The following AKAIN1 variants were observed in gnomAD, a reference collection of about 807,000 sequenced individuals.
AKAIN1 encodes the protein A-kinase anchor protein inhibitor 1.
Under a neutral mutation model 3.7 loss-of-function variants are expected in AKAIN1, and 3 were observed. The ratio of observed to expected loss-of-function variants is 0.82; its 90% CI spans 0.37 to 2.12. The LOEUF is 2.12. Ranked by LOEUF, AKAIN1 falls within the 30% of genes most tolerant of loss-of-function variation. The pLI, the probability that AKAIN1 is intolerant of heterozygous loss-of-function variation, is 0.06. For synonymous variants in AKAIN1, 31 were observed against 30.8 expected, an observed-to-expected ratio of 1.01 and a Z score of -0.02; for missense variants, 82 against 82.7, an observed-to-expected ratio of 0.99 and a Z score of 0.03.
rs2071353514 is a variant in AKAIN1 at position 5,197,162 on chromosome 18, G to A, written c.-109C>T. ...TCCGGTGCAGGAGGGCGCGCTGGGC[G>A]GGCGGCGGGCGGGGCGGTCAGCACC... On this transcript the variant is annotated 5_prime_UTR_variant, in exon 1 of 2. Coordinates refer to ENST00000434239, the MANE Select transcript of AKAIN1 (RefSeq NM_001145194.2). The surrounding 1 kb of genome is among the most constrained non-coding windows in gnomAD (Gnocchi z 6.9). The A allele has an allele frequency of 1.3e-6, 2 of 1,519,300 alleles. No individual in the cohort carries two copies. The highest frequency in any genetic ancestry group is 1.4e-5 in the African/African-American group (1 of 71,372). 94.1% of individuals were successfully genotyped at this position (1,519,300 alleles called of 1,614,324 possible). A position where few individuals can be genotyped will look rare whatever the true frequency, so the allele number is the denominator to read the frequency against.
At chr18:5,166,042 G>A (rs78180835) in intron 1 of AKAIN1, among the ~76,000 whole-genome samples, 2,910 of 152,098 alleles carry the variant, frequency 0.019, 80 homozygotes, top group East Asian at 0.11. Flanking sequence ...TGCTACACAT[G>A]ATTGTGAAAA....
chr18:5,154,460 CAA>C (rs1159685763), intron 1 of AKAIN1, among the ~76,000 whole-genome samples: 1 of 152,090 alleles, frequency 6.6e-6, no homozygotes. Flanking sequence ...CTTTTACCCC[CAA>C]GAGACTCAGA....
intron 1 of AKAIN1, among the ~76,000 whole-genome samples, chr18:5,190,562 G>A (rs2071313215): frequency 1.3e-5 from 2 of 152,112 alleles, no homozygotes; most frequent in South Asian, 4.1e-4. Flanking sequence ...TCTTATATAA[G>A]CAGAAAAAAT....
intron 1 of AKAIN1, among the ~76,000 whole-genome samples, chr18:5,175,685 G>A (rs1164921017): frequency 6.6e-6 from 1 of 152,112 alleles, no homozygotes; most frequent in African/African-American, 2.4e-5. Flanking sequence ...ACATAACCAT[G>A]TACGAGCTAT....
At chr18:5,164,781 G>C (rs2071158461) in intron 1 of AKAIN1, among the ~76,000 whole-genome samples, 1 of 151,978 alleles carries the variant, frequency 6.6e-6, no homozygotes, top group Non-Finnish European at 1.5e-5. Context: ...TCTATGCAAA[G>C]GCAGCTCATA....
chr18:5,180,706 A>C lies in AKAIN1; in HGVS notation c.16+16332T>G, dbSNP rs150427572. On this transcript the variant is annotated intron_variant, in intron 1 of 1. Coordinates refer to ENST00000434239, the MANE Select transcript of AKAIN1 (RefSeq NM_001145194.2). ...TAAATTCCCTGGTTGGAGAGTGATT[A>C]AAATCTCTTCTACAGTATGGCAATA... is the stretch of plus-strand genomic sequence containing the variant. Among the ~76,000 whole-genome samples the C allele has an allele frequency of 5.8e-4, 89 of 152,266 alleles. No homozygotes were observed. In the East Asian group the frequency reaches 7.9e-3, roughly 14 times the overall value.
chr18:5,152,447 AC>A (rs775902573), intron 1 of AKAIN1, among the ~76,000 whole-genome samples: 36 of 151,844 alleles, frequency 2.4e-4, no homozygotes, highest in Non-Finnish European at 4.3e-4. Flanking sequence ...CCCACTCCAC[AC>A]CCTTAAAATC....
chr18:5,159,134 A>T (rs2071124831), intron 1 of AKAIN1, among the ~76,000 whole-genome samples: 1 of 152,092 alleles, frequency 6.6e-6, no homozygotes, highest in Non-Finnish European at 1.5e-5. Flanking sequence ...GTGGCTTGAA[A>T]TAGAAAAGGA....
chr18:5,148,308 CTG>C, intron 1 of AKAIN1, among the ~76,000 whole-genome samples: 1 of 152,244 alleles, frequency 6.6e-6, no homozygotes, highest in Non-Finnish European at 1.5e-5. Flanking sequence ...TTACATCTTA[CTG>C]CTCTGACCTT....
chr18:5,148,996 T>C (rs1043888803), intron 1 of AKAIN1, among the ~76,000 whole-genome samples: 27 of 152,190 alleles, frequency 1.8e-4, no homozygotes, highest in African/African-American at 7.2e-5. Flanking sequence ...ATACAGTATA[T>C]ACTTGCAGCA....
At chr18:5,149,626 A>T (rs2071069203) in intron 1 of AKAIN1, among the ~76,000 whole-genome samples, 1 of 151,984 alleles carries the variant, frequency 6.6e-6, no homozygotes, top group African/African-American at 2.4e-5. Context: ...ACTCATTCTT[A>T]TTTCTGCATA....
chr18:5,197,217 GC>G lies in AKAIN1; in HGVS notation c.-165del. 1 of 1,393,726 alleles carries G rather than the reference GC, an allele frequency of 7.2e-7. No homozygotes were observed. The highest frequency in any genetic ancestry group is 9.2e-7 in the Non-Finnish European group (1 of 1,084,886). The allele number at this position is 1,393,726 out of a possible 1,614,324, so 86.3% of individuals were successfully genotyped here. On this transcript the variant is annotated 5_prime_UTR_variant, in exon 1 of 2. Transcript: ENST00000434239. The surrounding 1 kb of genome is among the most constrained non-coding windows in gnomAD (Gnocchi z 6.9). ...ACAGCTCCCGCCGCTAGATCCTGGG[GC>G]CGCAGCTCCAGCCGCCGCCGCGCGC...
At chr18:5,192,445 CTTTT>C (rs766762812) in intron 1 of AKAIN1, among the ~76,000 whole-genome samples, 1 of 126,156 alleles carries the variant, frequency 7.9e-6, no homozygotes, top group African/African-American at 3.0e-5. Flanking sequence ...TTCTTTCTTT[CTTTT>C]TCTTTTCTTT....
intron 1 of AKAIN1, among the ~76,000 whole-genome samples, chr18:5,191,422 T>C (rs1426805114): frequency 6.6e-6 from 1 of 152,116 alleles, no homozygotes; most frequent in Non-Finnish European, 1.5e-5. Context: ...AAAAGATACA[T>C]TTAGGTATAA....
chr18:5,173,324 A>G (rs2071208283), intron 1 of AKAIN1, among the ~76,000 whole-genome samples: 1 of 152,088 alleles, frequency 6.6e-6, no homozygotes, highest in Admixed American at 6.6e-5. Context: ...AATTTCTGTA[A>G]TTTTTTTCCA....
At position 5,160,806 on chromosome 18, in the gene AKAIN1, C is replaced by A. The variant is rs146990615; in HGVS notation, c.17-15051G>T. ...ATTGCCACAGAATTGTGTTTTGAGA[C>A]GTTTGGCCTTTCCCTACTGACTTGC... On this transcript the variant is annotated intron_variant, in intron 1 of 1. Coordinates refer to ENST00000434239, the MANE Select transcript of AKAIN1 (RefSeq NM_001145194.2). Among the ~76,000 whole-genome samples the A allele has an allele frequency of 3.9e-5, 6 of 152,142 alleles. No homozygotes were observed. In the South Asian group the frequency reaches 1.2e-3, roughly 32 times the overall value.
intron 1 of AKAIN1, among the ~76,000 whole-genome samples, chr18:5,149,174 C>T (rs1019115602): frequency 8.5e-5 from 13 of 152,184 alleles, no homozygotes; most frequent in African/African-American, 2.9e-4. Context: ...CGTTTTGGAT[C>T]ACACATACCT....
chr18:5,178,630 A>G (rs1177264390), intron 1 of AKAIN1, among the ~76,000 whole-genome samples: 1 of 152,192 alleles, frequency 6.6e-6, no homozygotes, highest in Non-Finnish European at 1.5e-5. Context: ...GAGGAGATGC[A>G]CAAGGAGATG....
At chr18:5,185,373 C>T (rs946331427) in intron 1 of AKAIN1, among the ~76,000 whole-genome samples, 5 of 152,036 alleles carry the variant, frequency 3.3e-5, no homozygotes, top group Non-Finnish European at 7.4e-5. Context: ...AGAGCTTTTG[C>T]GCAGCAAAAG....
Sources: gnomAD v4.1 joint callset for allele counts (sites outside exome capture counted in the v4.1 genomes callset) on GRCh38, gnomAD v4.1.1 for gene constraint, Gnocchi (gnomAD v3.1) non-coding constraint, MANE v1.5 for transcripts, NCBI Gene and HGNC (gene_info 2026-07-23, HGNC 2026-07-21) for gene names.